CEP85L: variants seen among roughly 807,000 people sequenced by gnomAD.
CEP85L encodes the protein centrosomal protein of 85 kDa-like.
In CEP85L, 60 loss-of-function variants were observed where a neutral mutation model predicts 100.3. The observed-to-expected ratio is 0.60, with a 90% confidence interval of 0.49 to 0.74. The LOEUF is 0.74. Ranked by LOEUF, CEP85L falls within the 30% of genes least tolerant of loss-of-function variation. CEP85L has a pLI of 0.00. For synonymous variants in CEP85L, 319 were observed against 322.7 expected (o/e 0.99, Z 0.12); for missense variants, 973 against 936.2 (o/e 1.04, Z -0.51).
At chr6:118,525,979 G>C (rs1776939656) in intron 3 of CEP85L, among the ~76,000 whole-genome samples, 1 of 152,176 alleles carries the variant, frequency 6.6e-6, no homozygotes, top group South Asian at 2.1e-4. Context: ...TTAACTCTTT[G>C]AGATGACTGT....
intron 2 of CEP85L, among the ~76,000 whole-genome samples, chr6:118,614,885 T>TAGAC (rs66779828): frequency 7.3e-6 from 1 of 137,738 alleles, no homozygotes; most frequent in Non-Finnish European, 1.7e-5. Context: ...GATAGATAGA[T>TAGAC]AGATAGATAG....
intron 3 of CEP85L, among the ~76,000 whole-genome samples, chr6:118,527,003 T>A (rs1019921580): frequency 4.6e-5 from 1 of 21,508 alleles, no homozygotes; most frequent in East Asian, 5.3e-4. Context: ...TTACTTTTTC[T>A]TTTTTTTTTT....
At chr6:118,477,445 C>CA (rs554267373) in intron 10 of CEP85L, among the ~76,000 whole-genome samples, 164 of 151,952 alleles carry the variant, frequency 1.1e-3, no homozygotes, top group Non-Finnish European at 1.9e-3. Flanking sequence ...ACTTTTGTGG[C>CA]AAAAAAATAA....
In CEP85L at chr6:118,644,288, T is replaced by G. The variant is rs138749081; in HGVS notation, c.73+6909A>C. Among the ~76,000 whole-genome samples, 62 of 152,206 alleles carry G rather than the reference T, an allele frequency of 4.1e-4. 1 individual carries two copies. The East Asian group carries it at 0.011, about 26-fold the overall frequency. On this transcript the variant is annotated intron_variant, in intron 1 of 12. Transcript: ENST00000368491. ...TTACTCCTACCACCCTGGCTGCTCC[T>G]TCTCAGTGTCTTTGGACGGCACATC... is the stretch of plus-strand genomic sequence containing the variant.
intron 3 of CEP85L, among the ~76,000 whole-genome samples, chr6:118,557,554 T>C (rs1354239002): frequency 6.6e-6 from 1 of 152,190 alleles, no homozygotes; most frequent in Non-Finnish European, 1.5e-5. Context: ...TTCACTGGCA[T>C]GTTTAAGTTG....
intron 5 of CEP85L, among the ~76,000 whole-genome samples, chr6:118,499,601 T>TTG (rs907500023): frequency 1.3e-5 from 2 of 150,406 alleles, no homozygotes; most frequent in African/African-American, 4.9e-5. Flanking sequence ...GAAACGGAGG[T>TTG]TTCAGTGAGC....
chr6:118,617,191 G>A (rs1268732981), intron 2 of CEP85L, among the ~76,000 whole-genome samples: 1 of 152,038 alleles, frequency 6.6e-6, no homozygotes, highest in Admixed American at 6.6e-5. Flanking sequence ...GGATTACTTC[G>A]GTTCTGGATA....
At chr6:118,569,214 C>T (rs55850368) in intron 2 of CEP85L, among the ~76,000 whole-genome samples, 20,211 of 151,296 alleles carry the variant, frequency 0.13, 1,713 homozygotes, top group Non-Finnish European at 0.18. Flanking sequence ...TGGTGGCAGG[C>T]GCCTGTAATC....
In CEP85L at chr6:118,462,762, C is replaced by T. The variant is rs1219126555; in HGVS notation, c.*2643G>A. The T allele has an allele frequency of 6.6e-6, 1 of 151,880 alleles. No individual in the cohort carries two copies. The highest frequency in any genetic ancestry group is 1.5e-5 in the Non-Finnish European group (1 of 67,864). 9.4% of individuals were successfully genotyped at this position (151,880 alleles called of 1,614,324 possible). A position where few individuals can be genotyped will look rare whatever the true frequency, so the allele number is the denominator to read the frequency against. On this transcript the variant is annotated 3_prime_UTR_variant, in exon 13 of 13. Transcript: ENST00000368491. ...ATCTTATTTGGTCTAACAGTAAAAT[C>T]TGTTTTTAATGTGATACAGAAGAGG...
intron 1 of CEP85L, among the ~76,000 whole-genome samples, chr6:118,698,933 T>A (rs553500795): frequency 6.6e-6 from 1 of 152,080 alleles, no homozygotes; most frequent in Non-Finnish European, 1.5e-5. Context: ...AACTCTATTC[T>A]ATAGGTCAGA....
rs538146425 is a variant in CEP85L at position 118,593,909 on chromosome 6, A to C, written c.233-27593T>G. Among the ~76,000 whole-genome samples the C allele has an allele frequency of 1.6e-4, 24 of 152,184 alleles. No individual in the cohort carries two copies. In the East Asian group the frequency reaches 4.3e-3, roughly 27 times the overall value. On this transcript the variant is annotated intron_variant, in intron 2 of 12. Coordinates refer to ENST00000368491, the MANE Select transcript of CEP85L (RefSeq NM_001042475.3). ...TTTGACCAAGCTACTCTCTCAGCCT[A>C]GACTACTCTCCTCCCAAACCCCTTT...
At chr6:118,573,427 T>A (rs1780027363) in intron 2 of CEP85L, among the ~76,000 whole-genome samples, 1 of 152,222 alleles carries the variant, frequency 6.6e-6, no homozygotes, top group Admixed American at 6.5e-5. Flanking sequence ...TTCCTTGAGT[T>A]TATTTCAGAA....
At chr6:118,577,115 C>A (rs1003464029) in intron 2 of CEP85L, among the ~76,000 whole-genome samples, 2 of 152,116 alleles carry the variant, frequency 1.3e-5, no homozygotes, top group African/African-American at 4.8e-5. Flanking sequence ...CTATCCAACC[C>A]CGTACTACAA....
chr6:118,666,224 A>G (rs1776129123), intron 1 of CEP85L, among the ~76,000 whole-genome samples: 1 of 152,192 alleles, frequency 6.6e-6, no homozygotes, highest in Admixed American at 6.5e-5. Context: ...AAAGCATTTT[A>G]GTTCTCTGCC....
intron 3 of CEP85L, among the ~76,000 whole-genome samples, chr6:118,538,970 T>C (rs1426776757): frequency 6.6e-6 from 1 of 152,048 alleles, no homozygotes; most frequent in Non-Finnish European, 1.5e-5. Flanking sequence ...GAAACTGAAA[T>C]AAAAGAAGTT....
chr6:118,695,942 A>G (rs530893719), intron 1 of CEP85L, among the ~76,000 whole-genome samples: 20 of 152,316 alleles, frequency 1.3e-4, no homozygotes, highest in African/African-American at 4.8e-4. Flanking sequence ...GGTATTTAGT[A>G]TATACAGGAT....
intron 2 of CEP85L, among the ~76,000 whole-genome samples, chr6:118,591,143 G>C (rs560727939): frequency 2.8e-4 from 43 of 152,248 alleles, no homozygotes; most frequent in African/African-American, 9.9e-4. Flanking sequence ...GGTCCATAAA[G>C]ATACAAAAAT....
chr6:118,652,491 C>A, upstream of CEP85L: 1 of 1,322,634 alleles, frequency 7.6e-7, no homozygotes, highest in Non-Finnish European at 9.7e-7. Flanking sequence ...TGGTGGGAGG[C>A]GGGCTCTGCA....
At chr6:118,628,643 AAC>A (rs1162502938) in intron 2 of CEP85L, among the ~76,000 whole-genome samples, 1 of 150,420 alleles carries the variant, frequency 6.6e-6, no homozygotes, top group Non-Finnish European at 1.5e-5. Context: ...CAAAAAAACA[AAC>A]AAACAAACAA....
Sources: allele counts gnomAD v4.1 joint callset (sites outside exome capture counted in the v4.1 genomes callset), GRCh38; gene constraint gnomAD v4.1.1; transcripts MANE v1.5; gene names NCBI Gene and HGNC (gene_info 2026-07-23, HGNC 2026-07-21).